SFMBT2: variants seen among roughly 807,000 people sequenced by gnomAD.
SFMBT2 encodes the protein Scm like with four mbt domains 2, also known as scm-like with four MBT domains protein 2.
Under a neutral mutation model 110.1 loss-of-function variants are expected in SFMBT2, and 38 were observed. The ratio of observed to expected loss-of-function variants is 0.35; its 90% CI spans 0.27 to 0.45. The LOEUF (loss-of-function observed/expected upper bound fraction) is 0.45. SFMBT2 is among the 20% of genes least tolerant of loss of function. SFMBT2 has a pLI of 1.00. For missense variants in SFMBT2, 1,011 were observed against 1,094.9 expected, an observed-to-expected ratio of 0.92 and a Z score of 1.08; for synonymous variants, 425 against 425.4, an observed-to-expected ratio of 1.00 and a Z score of 0.01.
intron 1 of SFMBT2, among the ~76,000 whole-genome samples, chr10:7,385,725 C>T (rs1351114950): frequency 6.6e-6 from 1 of 152,144 alleles, no homozygotes; most frequent in East Asian, 1.9e-4. Context: ...CCTGGCCAGG[C>T]ACAGTGGCTC....
chr10:7,213,455 C>G (rs59645248), intron 11 of SFMBT2, among the ~76,000 whole-genome samples: 2,146 of 151,854 alleles, frequency 0.014, 27 homozygotes, highest in African/African-American at 0.047. Flanking sequence ...TGAAGTGACT[C>G]ATGGGTTGTG....
rs181013486 is a variant in SFMBT2, at chr10:7,199,031, T to G, written c.1559-1344A>C. On this transcript the variant is annotated intron_variant, in intron 14 of 20. Coordinates refer to ENST00000397167, the MANE Select transcript of SFMBT2 (RefSeq NM_001387889.1). ...TCTCACTTTGTTGCCCAGGCTGGAA[T>G]GCAGTGGTGCAATCTCAGCTCACTG... Among the ~76,000 whole-genome samples the G allele has an allele frequency of 2.0e-5, 3 of 152,346 alleles. No individual in the cohort carries two copies. The East Asian group carries it at 5.8e-4, about 29-fold the overall frequency.
At chr10:7,233,754 C>G (rs1840177848) in intron 9 of SFMBT2, among the ~76,000 whole-genome samples, 1 of 152,162 alleles carries the variant, frequency 6.6e-6, no homozygotes, top group Non-Finnish European at 1.5e-5. Flanking sequence ...CTTTCAAGCC[C>G]AAGTTTTTGT....
intron 16 of SFMBT2, among the ~76,000 whole-genome samples, chr10:7,179,391 GAAA>G (rs57497418): frequency 0.38 from 26,151 of 68,312 alleles, 2,053 homozygotes; most frequent in Non-Finnish European, 0.48. Flanking sequence ...TTGCATTTTC[GAAA>G]AAAAAAAAAA....
At chr10:7,246,718 C>CAA (rs397949347) in intron 8 of SFMBT2, among the ~76,000 whole-genome samples, 2,980 of 70,810 alleles carry the variant, frequency 0.042, 194 homozygotes, top group Non-Finnish European at 0.049. Flanking sequence ...GACTCCATCT[C>CAA]AAAAAAAAAA....
chr10:7,186,252 G>A (rs987635089), intron 16 of SFMBT2, among the ~76,000 whole-genome samples: 1 of 151,870 alleles, frequency 6.6e-6, no homozygotes, highest in Admixed American at 6.6e-5. Flanking sequence ...AGAAATCCTA[G>A]ATGCCAAATG....
rs373483982 is a variant in SFMBT2, at chr10:7,171,027, C to G, written c.2445G>C (p.Leu815=). Residue 815 remains leucine, a synonymous_variant, in exon 20 of 21, where the codon CTG becomes CTC. Transcript: ENST00000397167. This position sits in a 1 kb window ranked among gnomAD's most constrained non-coding sequence, Gnocchi z 4.9. Reference sequence around the variant, plus strand: ...ACTCCAACGGGTTGCTCTCCAGAACCAGTCTCTCCTCCTCCTCCTGTTTCG... The same window carrying G: ...ACTCCAACGGGTTGCTCTCCAGAACGAGTCTCTCCTCCTCCTCCTGTTTCG... The part of the protein sequence containing the change: ...EDTKQEEEER[L]VLESNPLEWT... 30 of 1,614,064 alleles carry G rather than the reference C, an allele frequency of 1.9e-5. No individual in the cohort carries two copies. Among genetic ancestry groups the G allele is most frequent in the Non-Finnish European group, 2.5e-5 (29 of 1,180,024 alleles).
intron 17 of SFMBT2, 152 bp downstream of exon 17, chr10:7,175,838 C>T (rs777529367): frequency 5.1e-5 from 36 of 701,446 alleles, no homozygotes; most frequent in Non-Finnish European, 8.2e-5. Context: ...TCTGCTACAG[C>T]AAATCCTTAA....
chr10:7,170,240 CCT>C lies in SFMBT2; in HGVS notation c.2544+686_2544+687del, dbSNP rs1036444734. The stretch of plus-strand genomic sequence containing the variant: ...GCTGTTTGTGTGTGAGCTTCATGCC[CCT>C]GAGACTTGGAGCTGAAGAAGCTGCA... On this transcript the variant is annotated intron_variant, in intron 20 of 20. Coordinates refer to ENST00000397167, the MANE Select transcript of SFMBT2 (RefSeq NM_001387889.1). This position sits in a 1 kb window ranked among gnomAD's most constrained non-coding sequence, Gnocchi z 4.6. Among the ~76,000 whole-genome samples the C allele has an allele frequency of 7.9e-5, 12 of 152,184 alleles. No individual in the cohort carries two copies. The highest frequency in any genetic ancestry group is 2.7e-4 in the African/African-American group (11 of 41,448).
At chr10:7,206,881 C>G (rs867714665) in intron 11 of SFMBT2, 1 of 985,374 alleles carries the variant, frequency 1.0e-6, no homozygotes, top group South Asian at 4.7e-5. Flanking sequence ...CCCATGGACT[C>G]TGACCCCTTA....
chr10:7,199,139 C>T (rs570290053), intron 14 of SFMBT2, among the ~76,000 whole-genome samples: 5 of 151,894 alleles, frequency 3.3e-5, no homozygotes, highest in South Asian at 2.1e-4. Context: ...CCACCATGCC[C>T]GGCTAATTTT....
chr10:7,324,525 C>T (rs537053431), intron 4 of SFMBT2, among the ~76,000 whole-genome samples: 60 of 152,198 alleles, frequency 3.9e-4, no homozygotes, highest in African/African-American at 1.3e-3. Context: ...ATCTGAGTTC[C>T]CTGAGTTACT....
chr10:7,241,505 G>C (rs889260081), intron 9 of SFMBT2, among the ~76,000 whole-genome samples: 1 of 152,124 alleles, frequency 6.6e-6, no homozygotes, highest in South Asian at 2.1e-4. Context: ...TGGTTTGGAA[G>C]AATGCATGAA....
intron 20 of SFMBT2, among the ~76,000 whole-genome samples, chr10:7,168,440 G>A (rs1837763666): frequency 6.6e-6 from 1 of 152,038 alleles, no homozygotes; most frequent in Admixed American, 6.5e-5. Flanking sequence ...CAAAACATTA[G>A]AGTAATACAG....
chr10:7,204,500 G>T lies in SFMBT2; in HGVS notation c.1444+1315C>A, dbSNP rs569454194. Reference sequence around the variant, plus strand: ...AATAACACTTCTGATATGCATTAGGGTAGAATAATAAACGCAATGATTTAT... The same window carrying T: ...AATAACACTTCTGATATGCATTAGGTTAGAATAATAAACGCAATGATTTAT... On this transcript the variant is annotated intron_variant, in intron 12 of 20. Coordinates refer to ENST00000397167, the MANE Select transcript of SFMBT2 (RefSeq NM_001387889.1). 4.0e-5 allele frequency: 38 copies of T among 938,942 alleles called. No homozygotes were observed. In the African/African-American group the frequency reaches 6.4e-4, roughly 16 times the overall value. The allele number at this position is 938,942 out of a possible 1,614,324, so 58.2% of individuals were successfully genotyped here.
rs1044904708 is a variant in SFMBT2 at position 7,160,221 on chromosome 10, T to C, written c.*3549A>G. On this transcript the variant is annotated 3_prime_UTR_variant, in exon 21 of 21. Coordinates refer to ENST00000397167, the MANE Select transcript of SFMBT2 (RefSeq NM_001387889.1). ...GGTGAAGTTCACTGTGTTTTGCTTT[T>C]GTTTTGAAAGGCAAAGAAGTTCTGT... is the stretch of plus-strand genomic sequence containing the variant. The C allele has an allele frequency of 3.9e-5, 6 of 152,358 alleles. No individual in the cohort carries two copies. Among genetic ancestry groups the C allele is most frequent in the African/African-American group, 1.4e-4 (6 of 41,582 alleles). The allele number at this position is 152,358 out of a possible 1,614,324, so 9.4% of individuals were successfully genotyped here.
chr10:7,386,008 C>CA (rs955444655), intron 1 of SFMBT2, among the ~76,000 whole-genome samples: 14 of 151,088 alleles, frequency 9.3e-5, no homozygotes, highest in African/African-American at 2.2e-4. Flanking sequence ...AAAAACATAA[C>CA]AAAAAAAAGC....
chr10:7,351,803 T>C (rs1844327164), intron 4 of SFMBT2, among the ~76,000 whole-genome samples: 1 of 151,940 alleles, frequency 6.6e-6, no homozygotes, highest in African/African-American at 2.4e-5. Context: ...AGTGCCCTGC[T>C]ATTAGGGCGC....
Position 7,163,744 on chromosome 10 carries a change from T to C in SFMBT2, c.*26A>G. On this transcript the variant is annotated 3_prime_UTR_variant, in exon 21 of 21. Coordinates refer to ENST00000397167, the MANE Select transcript of SFMBT2 (RefSeq NM_001387889.1). This position sits in a 1 kb window ranked among gnomAD's most constrained non-coding sequence, Gnocchi z 4.8. Reference sequence around the variant, plus strand: ...CTTTACCAACACCGCATCCCAGCAATAATGGGCCACCTCCCGAGGGCAGAC... The same window carrying C: ...CTTTACCAACACCGCATCCCAGCAACAATGGGCCACCTCCCGAGGGCAGAC... 2 of 1,604,596 alleles carry C rather than the reference T, an allele frequency of 1.2e-6. No homozygotes were observed. Among genetic ancestry groups the C allele is most frequent in the Non-Finnish European group, 1.7e-6 (2 of 1,173,000 alleles).
Sources: allele counts gnomAD v4.1 joint callset (sites outside exome capture counted in the v4.1 genomes callset), GRCh38; gene constraint gnomAD v4.1.1; non-coding constraint Gnocchi (gnomAD v3.1); transcripts MANE v1.5; gene names NCBI Gene and HGNC (gene_info 2026-07-23, HGNC 2026-07-21).